PCDHGB5: variants seen among roughly 807,000 people sequenced by gnomAD.
PCDHGB5 encodes the protein protocadherin gamma-B5.
Under a neutral mutation model 62.9 loss-of-function variants are expected in PCDHGB5, and 48 were observed. That is an observed-to-expected ratio of 0.76 (90% CI 0.61 to 0.97). The LOEUF (loss-of-function observed/expected upper bound fraction) is 0.97, where lower values mean the gene tolerates loss of function less well. PCDHGB5 is among the 50% of genes least tolerant of loss of function. The probability of loss-of-function intolerance (pLI) is 0.00; values close to 1 mark genes in which losing one functional copy is unlikely to be tolerated. For missense variants in PCDHGB5, 1,118 were observed against 1,198.6 expected (o/e 0.93, Z 0.99); for synonymous variants, 474 against 511.2 (o/e 0.93, Z 0.98).
Position 141,491,573 on chromosome 5 carries a change from T to G in PCDHGB5, c.2398-3234T>G. The G allele has an allele frequency of 6.2e-7, 1 of 1,613,912 alleles. No individual in the cohort carries two copies. The highest frequency in any genetic ancestry group is 8.5e-7 in the Non-Finnish European group (1 of 1,180,030). The stretch of plus-strand genomic sequence containing the variant: ...CAGAGCCACTGCTACAGGACGTGCT[T>G]TTCACCGGCCTCGGACGGCAGTGAC... On this transcript the variant is annotated intron_variant, in intron 1 of 3. Transcript: ENST00000617380. The surrounding 1 kb of genome is among the most constrained non-coding windows in gnomAD (Gnocchi z 6.9).
chr5:141,498,880 C>G (rs1334510457), intron 2 of PCDHGB5, among the ~76,000 whole-genome samples: 1 of 150,028 alleles, frequency 6.7e-6, no homozygotes, highest in African/African-American at 2.4e-5. Flanking sequence ...TTGCAGTGAG[C>G]TGAGATCACA....
intron 1 of PCDHGB5, among the ~76,000 whole-genome samples, chr5:141,452,300 T>C (rs886540131): frequency 2.0e-5 from 3 of 152,194 alleles, no homozygotes; most frequent in African/African-American, 7.2e-5. Flanking sequence ...TAAGAAAATA[T>C]TAGAGACTCA....
chr5:141,490,862 C>G lies in PCDHGB5; in HGVS notation c.2398-3945C>G. 1 of 1,613,878 alleles carries G rather than the reference C, an allele frequency of 6.2e-7. No homozygotes were observed. Among genetic ancestry groups the G allele is most frequent in the East Asian group, 2.2e-5 (1 of 44,874 alleles). ...GTGGTGGGGGTTCGAGACTCCGGCTCTCCCCCATTGCATGCCAACACATCT... is the reference window on the plus strand; with the variant it reads ...GTGGTGGGGGTTCGAGACTCCGGCTGTCCCCCATTGCATGCCAACACATCT... On this transcript the variant is annotated intron_variant, in intron 1 of 3. Coordinates refer to ENST00000617380, the MANE Select transcript of PCDHGB5 (RefSeq NM_018925.3). The surrounding 1 kb of genome is among the most constrained non-coding windows in gnomAD (Gnocchi z 5.4).
At chr5:141,498,670 G>A (rs1266576450) in intron 2 of PCDHGB5, among the ~76,000 whole-genome samples, 1 of 152,066 alleles carries the variant, frequency 6.6e-6, no homozygotes, top group Non-Finnish European at 1.5e-5. Flanking sequence ...GGTGGCTCAC[G>A]CCTGTAATCC....
intron 1 of PCDHGB5, among the ~76,000 whole-genome samples, chr5:141,433,837 C>CAAAAAAAA (rs56191208): frequency 1.9e-4 from 21 of 111,692 alleles, no homozygotes; most frequent in Admixed American, 5.9e-4. Context: ...AACTCTATCT[C>CAAAAAAAA]AAAAAAAAAA....
At chr5:141,499,461 A>G (rs1448103747) in intron 2 of PCDHGB5, among the ~76,000 whole-genome samples, 2 of 152,226 alleles carry the variant, frequency 1.3e-5, no homozygotes. Flanking sequence ...TCATTTTACA[A>G]TCTAGGGAGA....
chr5:141,456,072 T>C (rs1349808406), intron 1 of PCDHGB5, among the ~76,000 whole-genome samples: 2 of 151,950 alleles, frequency 1.3e-5, no homozygotes, highest in Non-Finnish European at 2.9e-5. Flanking sequence ...TAATTTTTTG[T>C]ATTTTCAGTA....
In PCDHGB5 at chr5:141,428,146, C is replaced by G. The variant is rs549173211; in HGVS notation, c.2397+27622C>G. The G allele has an allele frequency of 1.3e-5, 21 of 1,589,348 alleles. No individual in the cohort carries two copies. The East Asian group carries it at 4.0e-4, about 30-fold the overall frequency. Reference sequence around the variant, plus strand: ...GGGCTTTTCAGCCTGGGGCTGCACACGGGAACCTGCTGGTTGCTGTGCGTG... The same window carrying G: ...GGGCTTTTCAGCCTGGGGCTGCACAGGGGAACCTGCTGGTTGCTGTGCGTG... On this transcript the variant is annotated intron_variant, in intron 1 of 3. Transcript: ENST00000617380.
chr5:141,493,204 C>T lies in PCDHGB5; in HGVS notation c.2398-1603C>T, dbSNP rs2099746929. Among the ~76,000 whole-genome samples, 1 of 152,216 alleles carries T rather than the reference C, an allele frequency of 6.6e-6. No individual in the cohort carries two copies. Among genetic ancestry groups the T allele is most frequent in the Non-Finnish European group, 1.5e-5 (1 of 68,042 alleles). Reference sequence around the variant, plus strand: ...TATATAACTCCTTTGAGAACCTCATCTCATTTGCTCTTCCCACCATTGCTG... The same window carrying T: ...TATATAACTCCTTTGAGAACCTCATTTCATTTGCTCTTCCCACCATTGCTG... On this transcript the variant is annotated intron_variant, in intron 1 of 3. Transcript: ENST00000617380. This position sits in a 1 kb window ranked among gnomAD's most constrained non-coding sequence, Gnocchi z 4.3.
chr5:141,409,164 C>G (rs115772303), intron 1 of PCDHGB5: 18 of 1,613,792 alleles, frequency 1.1e-5, no homozygotes, highest in Non-Finnish European at 1.4e-5. Flanking sequence ...GAAGTGGAAG[C>G]GAAGGACGGA....
chr5:141,491,876 A>G lies in PCDHGB5; in HGVS notation c.2398-2931A>G. ...TTGCGCGAAACCAGAGTGGCCGATT[A>G]AGGGATGGGGCTCCGAGCACCGGGG... On this transcript the variant is annotated intron_variant, in intron 1 of 3. Coordinates refer to ENST00000617380, the MANE Select transcript of PCDHGB5 (RefSeq NM_018925.3). The surrounding 1 kb of genome is among the most constrained non-coding windows in gnomAD (Gnocchi z 6.9). 2.1e-6 allele frequency: 3 copies of G among 1,450,326 alleles called. No individual in the cohort carries two copies. Among genetic ancestry groups the G allele is most frequent in the Non-Finnish European group, 1.8e-6 (2 of 1,097,472 alleles). 89.8% of individuals were successfully genotyped at this position (1,450,326 alleles called of 1,614,324 possible).
Position 141,477,779 on chromosome 5 carries a change from A to G in PCDHGB5, c.2398-17028A>G, listed in dbSNP as rs781567883. ...CCTAGCCACCAACATCAGCGTGAAC[A>G]TATTTGTCACTGATCGCAATGACAA... On this transcript the variant is annotated intron_variant, in intron 1 of 3. Coordinates refer to ENST00000617380, the MANE Select transcript of PCDHGB5 (RefSeq NM_018925.3). This position sits in a 1 kb window ranked among gnomAD's most constrained non-coding sequence, Gnocchi z 4.9. 5.6e-6 allele frequency: 9 copies of G among 1,613,894 alleles called. No homozygotes were observed. Among genetic ancestry groups the G allele is most frequent in the South Asian group, 5.5e-5 (5 of 91,084 alleles).
At chr5:141,443,665 AACT>A (rs2154560310) in intron 1 of PCDHGB5, among the ~76,000 whole-genome samples, 1 of 152,358 alleles carries the variant, frequency 6.6e-6, no homozygotes, top group African/African-American at 2.4e-5. Context: ...CATTTTACTG[AACT>A]AGTAGTTTAC....
intron 1 of PCDHGB5, chr5:141,441,758 C>T: frequency 2.6e-6 from 1 of 382,050 alleles, no homozygotes. Context: ...TCAACGTGAG[C>T]CTGCGCGTGT....
At chr5:141,400,830 T>G (rs1194053653) in intron 1 of PCDHGB5, among the ~76,000 whole-genome samples, 2 of 152,244 alleles carry the variant, frequency 1.3e-5, no homozygotes, top group African/African-American at 2.4e-5. Flanking sequence ...GTTGTCTCAT[T>G]CTTTAACATG....
intron 1 of PCDHGB5, chr5:141,413,350 G>C: frequency 6.2e-7 from 1 of 1,613,974 alleles, no homozygotes; most frequent in South Asian, 1.1e-5. Context: ...CTTGGGTCTG[G>C]CGCCCCGGGA....
chr5:141,495,109 C>A (rs1445945970), intron 2 of PCDHGB5, among the ~76,000 whole-genome samples: 3 of 152,278 alleles, frequency 2.0e-5, no homozygotes, highest in South Asian at 2.1e-4. Context: ...CGACCGGCAC[C>A]TTTTCCTATC....
rs746046310 is a variant in PCDHGB5, at chr5:141,410,427, A to C, written c.2397+9903A>C. The C allele has an allele frequency of 1.9e-6, 3 of 1,613,714 alleles. No homozygotes were observed. The Admixed American group carries it at 5.0e-5, about 27-fold the overall frequency. On this transcript the variant is annotated intron_variant, in intron 1 of 3. Coordinates refer to ENST00000617380, the MANE Select transcript of PCDHGB5 (RefSeq NM_018925.3). ...AAGTCTGGACCTGTAGTTCCCCCCA[A>C]CTACAGTGAGGGGACTTTGCCTTAT...
chr5:141,457,466 A>C (rs1404739941), intron 1 of PCDHGB5, among the ~76,000 whole-genome samples: 1 of 152,356 alleles, frequency 6.6e-6, no homozygotes, highest in East Asian at 1.9e-4. Context: ...ATTCACAGGA[A>C]TAAGCAGGGC....
Sources: allele counts gnomAD v4.1 joint callset (sites outside exome capture counted in the v4.1 genomes callset), GRCh38; gene constraint gnomAD v4.1.1; non-coding constraint Gnocchi (gnomAD v3.1); transcripts MANE v1.5; gene names NCBI Gene and HGNC (gene_info 2026-07-23, HGNC 2026-07-21).